The following RAB11FIP1 variants were observed in gnomAD, a reference collection of about 807,000 sequenced individuals.
RAB11FIP1 encodes rab11 family-interacting protein 1.
A neutral mutation model predicts 83.1 loss-of-function variants in RAB11FIP1; 49 were observed. The observed-to-expected ratio is 0.59, with a 90% CI of 0.47 to 0.75. The LOEUF (loss-of-function observed/expected upper bound fraction) is 0.75. Among genes scored for constraint, RAB11FIP1 ranks in the 30% least tolerant of loss-of-function variants. The pLI is 0.00. For missense variants in RAB11FIP1, 1,536 were observed against 1,598.7 expected, an observed-to-expected ratio of 0.96 and a Z score of 0.67; for synonymous variants, 670 against 656.0, an observed-to-expected ratio of 1.02 and a Z score of -0.33.
At chr8:37,864,041 G>A (rs981622997) in intron 5 of RAB11FIP1, among the ~76,000 whole-genome samples, 1 of 152,224 alleles carries the variant, frequency 6.6e-6, no homozygotes, top group African/African-American at 2.4e-5. Context: ...ATGAGCAGGT[G>A]GATGCAGAGG....
chr8:37,867,220 T>C (rs1806357640), intron 5 of RAB11FIP1, among the ~76,000 whole-genome samples: 1 of 152,256 alleles, frequency 6.6e-6, no homozygotes, highest in South Asian at 2.1e-4. Flanking sequence ...TCCCATTTCC[T>C]GATAAATATC....
At chr8:37,879,489 C>T (rs1223227939) in intron 1 of RAB11FIP1, among the ~76,000 whole-genome samples, 2 of 152,158 alleles carry the variant, frequency 1.3e-5, no homozygotes, top group African/African-American at 2.4e-5. Context: ...GGGTATAGAG[C>T]TTCAGTTGTG....
At chr8:37,875,503 AG>A (rs1474776438) in intron 2 of RAB11FIP1, among the ~76,000 whole-genome samples, 181 bp from the exon 3 acceptor site, 1 of 152,172 alleles carries the variant, frequency 6.6e-6, no homozygotes, top group East Asian at 1.9e-4. Context: ...CGTATAGCAC[AG>A]CCCCCCACGA....
chr8:37,873,776 C>T (rs965987994), intron 3 of RAB11FIP1, among the ~76,000 whole-genome samples: 1 of 152,010 alleles, frequency 6.6e-6, no homozygotes, highest in Non-Finnish European at 1.5e-5. Context: ...TATTACAGGA[C>T]AAAATGCACC....
chr8:37,883,913 A>G (rs1395086570), intron 1 of RAB11FIP1, among the ~76,000 whole-genome samples: 1 of 152,220 alleles, frequency 6.6e-6, no homozygotes, highest in Non-Finnish European at 1.5e-5. Context: ...CCATATTCTG[A>G]AAAAATCTTG....
intron 3 of RAB11FIP1, among the ~76,000 whole-genome samples, chr8:37,874,198 C>G (rs1026561831): frequency 6.6e-6 from 1 of 152,228 alleles, no homozygotes; most frequent in East Asian, 1.9e-4. Context: ...CACTACAACC[C>G]AAACTCAGTA....
rs190029601 is a variant in RAB11FIP1, at chr8:37,894,739, T to C, written c.371+4332A>G. Reference sequence around the variant, plus strand: ...ATATATATACATATATATATATATATACACACACACACATACATACATATT... The same window carrying C: ...ATATATATACATATATATATATATACACACACACACACATACATACATATT... On this transcript the variant is annotated intron_variant, in intron 1 of 5. Transcript: ENST00000330843. Among the ~76,000 whole-genome samples, 435 of 147,216 alleles carry C rather than the reference T, an allele frequency of 3.0e-3. 3 individuals carry two copies. The highest frequency in any genetic ancestry group is 3.5e-3 in the Middle Eastern group (1 of 284).
chr8:37,871,466 G>A lies in RAB11FIP1; in HGVS notation c.3336C>T (p.Ser1112=). ...TGTGGTGAGTGTCAGAATGTGCAGA[G>A]CTGGGGAAAGAGTGTGTGACAGGAA... is the stretch of plus-strand genomic sequence containing the variant. The part of the protein sequence containing the change: ...EIFPVTHSFP[S]SAHSDTHHTS... Residue 1112 remains serine (S), a synonymous_variant, in exon 4 of 6, where the codon AGC becomes AGT. Coordinates refer to ENST00000330843, the MANE Select transcript of RAB11FIP1 (RefSeq NM_001002814.3). The A allele has an allele frequency of 1.9e-6, 3 of 1,614,100 alleles. No individual in the cohort carries two copies. The highest frequency in any genetic ancestry group is 1.7e-6 in the Non-Finnish European group (2 of 1,179,984).
rs1171889350 is a variant in RAB11FIP1, at chr8:37,890,508, G to A, written c.371+8563C>T. Among the ~76,000 whole-genome samples, 7 of 152,246 alleles carry A rather than the reference G, an allele frequency of 4.6e-5. No homozygotes were observed. The East Asian group carries it at 9.6e-4, about 21-fold the overall frequency. On this transcript the variant is annotated intron_variant, in intron 1 of 5. Coordinates refer to ENST00000330843, the MANE Select transcript of RAB11FIP1 (RefSeq NM_001002814.3). The stretch of plus-strand genomic sequence containing the variant: ...CCCCAGGAACACCCTGGAGACTAAA[G>A]CCCTTGATTTTCCTCTAACAGATTA...
rs1806477979 is a variant in RAB11FIP1 at position 37,872,060 on chromosome 8, C to T, written c.2742G>A (p.Glu914=). ...SAKDTPLFRM[E]GEDALVTQYQ... ...ACTGAGTCACAAGGGCATCCTCTCC[C>T]TCCATCCTAAAGAGTGGAGTGTCTT... Residue 914 remains glutamate, a synonymous_variant, in exon 4 of 6, where the codon GAG becomes GAA. Coordinates refer to ENST00000330843, the MANE Select transcript of RAB11FIP1 (RefSeq NM_001002814.3). 9.9e-6 allele frequency: 16 copies of T among 1,614,162 alleles called. No homozygotes were observed. The highest frequency in any genetic ancestry group is 1.4e-5 in the Non-Finnish European group (16 of 1,180,026).
Position 37,870,530 on chromosome 8 carries a change from T to A in RAB11FIP1, c.3525-2A>T. 1.3e-6 allele frequency: 2 copies of A among 1,513,556 alleles called. No individual in the cohort carries two copies. Among genetic ancestry groups the A allele is most frequent in the Non-Finnish European group, 1.8e-6 (2 of 1,090,256 alleles). 93.8% of individuals were successfully genotyped at this position (1,513,556 alleles called of 1,614,324 possible). On this transcript the variant is annotated splice_acceptor_variant, in intron 4 of 5. Transcript: ENST00000330843. LOFTEE classifies it high-confidence loss of function. ...TTCATTGGCTTCACAGGATGAAGTC[T>A]AAAGAGAAGGGGAAAAGGATCTTTA...
intron 2 of RAB11FIP1, among the ~76,000 whole-genome samples, 187 bp from the exon 3 acceptor site, chr8:37,875,509 C>T (rs1484816148): frequency 2.0e-5 from 3 of 152,074 alleles, no homozygotes; most frequent in African/African-American, 7.3e-5. Context: ...GCACAGCCCC[C>T]CACGACAAAG....
chr8:37,889,878 G>A (rs1354586972), intron 1 of RAB11FIP1, among the ~76,000 whole-genome samples: 1 of 152,042 alleles, frequency 6.6e-6, no homozygotes, highest in African/African-American at 2.4e-5. Flanking sequence ...CTGCCTCCCA[G>A]GTTCAAGTGA....
At position 37,862,821 on chromosome 8, in the gene RAB11FIP1, A is replaced by C; in HGVS notation, c.*74T>G. On this transcript the variant is annotated 3_prime_UTR_variant, in exon 6 of 6. Transcript: ENST00000330843. ...GGAGCCTGCTGGCTGGTTATCAGGCAAGGCAAGTCCTTGACCCCTGGAGCA... is the reference window on the plus strand; with the variant it reads ...GGAGCCTGCTGGCTGGTTATCAGGCCAGGCAAGTCCTTGACCCCTGGAGCA... 8.3e-7 allele frequency: 1 copy of C among 1,205,834 alleles called. No homozygotes were observed. Among genetic ancestry groups the C allele is most frequent in the South Asian group, 1.4e-5 (1 of 72,448 alleles). The allele number at this position is 1,205,834 out of a possible 1,614,324, so 74.7% of individuals were successfully genotyped here. A position where few individuals can be genotyped will look rare whatever the true frequency, so the allele number is the denominator to read the frequency against.
Position 37,861,135 on chromosome 8 carries a change from A to T in RAB11FIP1, c.*1760T>A, listed in dbSNP as rs1806224015. On this transcript the variant is annotated 3_prime_UTR_variant, in exon 6 of 6. Coordinates refer to ENST00000330843, the MANE Select transcript of RAB11FIP1 (RefSeq NM_001002814.3). ...GTCTTAAGTGAGTAACAACAAAATTACCTGAAAAATCTCAGCTGGTGCTTT... is the reference window on the plus strand; with the variant it reads ...GTCTTAAGTGAGTAACAACAAAATTTCCTGAAAAATCTCAGCTGGTGCTTT... 6.5e-6 allele frequency: 1 copy of T among 153,662 alleles called. No homozygotes were observed. 9.5% of individuals were successfully genotyped at this position (153,662 alleles called of 1,614,324 possible). A position where few individuals can be genotyped will look rare whatever the true frequency, so the allele number is the denominator to read the frequency against.
chr8:37,871,538 G>A lies in RAB11FIP1; in HGVS notation c.3264C>T (p.Gly1088=), dbSNP rs745785553. The A allele has an allele frequency of 5.6e-6, 9 of 1,603,272 alleles. No individual in the cohort carries two copies. The highest frequency in any genetic ancestry group is 7.7e-6 in the Non-Finnish European group (9 of 1,173,412). Residue 1088 remains glycine (G), a synonymous_variant, in exon 4 of 6, where the codon GGC becomes GGT. Transcript: ENST00000330843. ...MGNGSPSPPP[G]TSLDNPVPSP... ...TGGGTACAGGATTGTCCAGGGATGT[G>A]CCAGGAGGCGGGCTTGGACTCCCAT...
At position 37,890,145 on chromosome 8, in the gene RAB11FIP1, T is replaced by C. The variant is rs1299329193; in HGVS notation, c.371+8926A>G. 2.0e-5 allele frequency among the ~76,000 whole-genome samples: 3 copies of C among 152,334 alleles called. No homozygotes were observed. In the East Asian group the frequency reaches 5.8e-4, roughly 29 times the overall value. The stretch of plus-strand genomic sequence containing the variant: ...GTAAAAATGAAAAGTTCTATTTTGG[T>C]GAACCACATGTCACAGTTCTCTGCA... On this transcript the variant is annotated intron_variant, in intron 1 of 5. Coordinates refer to ENST00000330843, the MANE Select transcript of RAB11FIP1 (RefSeq NM_001002814.3).
Position 37,874,925 on chromosome 8 carries a change from G to A in RAB11FIP1, c.1212C>T (p.Val404=), listed in dbSNP as rs1442177794. The A allele has an allele frequency of 1.2e-6, 2 of 1,614,152 alleles. No individual in the cohort carries two copies. The highest frequency in any genetic ancestry group is 1.7e-6 in the Non-Finnish European group (2 of 1,180,040). Residue 404 remains valine (V), a synonymous_variant, in exon 3 of 6, where the codon GTC becomes GTT. Transcript: ENST00000330843. ...CCATGTTTTCCCTGAGGTCCCCACTGACCAGTGGGGCAGGTCGGTAGGACG... is the reference window on the plus strand; with the variant it reads ...CCATGTTTTCCCTGAGGTCCCCACTAACCAGTGGGGCAGGTCGGTAGGACG... ...TLPSYRPAPL[V]SGDLRENMAP... is the part of the protein sequence containing the mutation.
chr8:37,885,661 T>G (rs544806343), intron 1 of RAB11FIP1, among the ~76,000 whole-genome samples: 28 of 152,264 alleles, frequency 1.8e-4, no homozygotes, highest in African/African-American at 6.5e-4. Flanking sequence ...AAGAATGAGC[T>G]AAATACAATG....
Sources: allele counts gnomAD v4.1 joint callset (sites outside exome capture counted in the v4.1 genomes callset), GRCh38; gene constraint gnomAD v4.1.1; transcripts MANE v1.5; gene names NCBI Gene and HGNC (gene_info 2026-07-23, HGNC 2026-07-21).